Variants in DPP10 observed in about 807,000 individuals in gnomAD.
DPP10 encodes inactive dipeptidyl peptidase 10.
DPP10 carries 33 observed loss-of-function variants against 120.9 expected under a neutral mutation model. The ratio of observed to expected loss-of-function variants is 0.27; its 90% CI spans 0.21 to 0.37. DPP10 has a LOEUF of 0.37. Ranked by LOEUF, DPP10 falls within the 10% of genes least tolerant of loss-of-function variation. DPP10 has a pLI of 1.00. For synonymous variants in DPP10, 337 were observed against 326.1 expected, an observed-to-expected ratio of 1.03 and a Z score of -0.36; for missense variants, 816 against 942.8, an observed-to-expected ratio of 0.87 and a Z score of 1.76.
intron 1 of DPP10, among the ~76,000 whole-genome samples, chr2:114,987,394 A>C (rs1270459138): frequency 6.6e-6 from 1 of 152,104 alleles, no homozygotes; most frequent in Non-Finnish European, 1.5e-5. Context: ...GCTTGAGATA[A>C]ATTTTCCACT....
intron 7 of DPP10, among the ~76,000 whole-genome samples, chr2:115,724,889 G>T (rs1020265376): frequency 1.8e-4 from 28 of 152,244 alleles, no homozygotes; most frequent in African/African-American, 6.5e-4. Context: ...GTAAGACAGA[G>T]TGGGGTGGTG....
At chr2:115,397,120 T>C (rs2067741266) in intron 3 of DPP10, among the ~76,000 whole-genome samples, 1 of 152,250 alleles carries the variant, frequency 6.6e-6, no homozygotes, top group Admixed American at 6.5e-5. Flanking sequence ...TGATCACTTA[T>C]ACTTAGGCCA....
chr2:115,130,496 C>G (rs1191175527), intron 1 of DPP10, among the ~76,000 whole-genome samples: 1 of 125,156 alleles, frequency 8.0e-6, no homozygotes, highest in Non-Finnish European at 1.7e-5. Flanking sequence ...ATCCATCCAT[C>G]CATCTATCCA....
At chr2:115,078,252 C>T (rs1355456860) in intron 1 of DPP10, among the ~76,000 whole-genome samples, 1 of 152,110 alleles carries the variant, frequency 6.6e-6, no homozygotes, top group Admixed American at 6.6e-5. Flanking sequence ...CCAAATGATT[C>T]ATTTCACACT....
chr2:115,384,707 A>AAAGAAGAAGAAGAAGAAGAAG (rs139572526), intron 3 of DPP10, among the ~76,000 whole-genome samples: 140 of 148,550 alleles, frequency 9.4e-4, no homozygotes, highest in African/African-American at 3.0e-3. Flanking sequence ...AAGAAAGAAG[A>AAAGAAGAAGAAGAAGAAGAAG]AAGAAGAAGA....
intron 3 of DPP10, among the ~76,000 whole-genome samples, chr2:115,370,186 G>A (rs1437089521): frequency 1.3e-5 from 2 of 152,090 alleles, no homozygotes; most frequent in African/African-American, 4.8e-5. Flanking sequence ...CCTTGTGGTC[G>A]CTTTTCTTGT....
intron 5 of DPP10, among the ~76,000 whole-genome samples, chr2:115,670,559 G>A (rs1559007203): frequency 1.3e-5 from 2 of 152,060 alleles, no homozygotes; most frequent in Non-Finnish European, 2.9e-5. Flanking sequence ...GCTAAGTTGT[G>A]AAAGAGCAGA....
rs568897307 is a variant in DPP10 at position 114,509,837 on chromosome 2, T to G, written c.60+66999T>G. On this transcript the variant is annotated intron_variant, in intron 1 of 25. Coordinates refer to ENST00000410059, the MANE Select transcript of DPP10 (RefSeq NM_020868.6). ...CAGTATGGTCCTATAAGGACTATAT[T>G]TCATGTAAGTAAAGTTGAGAGAAAT... 8.5e-5 allele frequency among the ~76,000 whole-genome samples: 13 copies of G among 152,352 alleles called. No individual in the cohort carries two copies. The East Asian group carries it at 2.5e-3, about 29-fold the overall frequency.
chr2:115,260,951 G>C (rs1409803256), intron 1 of DPP10, among the ~76,000 whole-genome samples: 1 of 152,208 alleles, frequency 6.6e-6, no homozygotes, highest in African/African-American at 2.4e-5. Flanking sequence ...AGTTAAAACT[G>C]TGTCAAAACC....
intron 1 of DPP10, among the ~76,000 whole-genome samples, chr2:114,521,952 C>A (rs1467466779): frequency 6.8e-6 from 1 of 146,676 alleles, no homozygotes; most frequent in Non-Finnish European, 1.5e-5. Flanking sequence ...GGACTACAGG[C>A]GCCCGCCACC....
At chr2:115,033,213 G>A (rs1703968308) in intron 1 of DPP10, among the ~76,000 whole-genome samples, 1 of 152,152 alleles carries the variant, frequency 6.6e-6, no homozygotes, top group Non-Finnish European at 1.5e-5. Flanking sequence ...CTTGGTTCAT[G>A]CAGTTGAATA....
chr2:115,174,797 A>G (rs2053588297), intron 1 of DPP10, among the ~76,000 whole-genome samples: 1 of 152,204 alleles, frequency 6.6e-6, no homozygotes, highest in African/African-American at 2.4e-5. Flanking sequence ...ATGTTATTAA[A>G]GTTTTCTGTA....
intron 1 of DPP10, among the ~76,000 whole-genome samples, chr2:114,551,679 A>G (rs1018562204): frequency 6.6e-6 from 1 of 152,118 alleles, no homozygotes; most frequent in South Asian, 2.1e-4. Context: ...TCTCTTGTCC[A>G]TTGGGTCCCT....
chr2:115,438,774 A>G (rs1007204121), intron 3 of DPP10, among the ~76,000 whole-genome samples: 6 of 148,964 alleles, frequency 4.0e-5, no homozygotes, highest in Admixed American at 6.7e-5. Flanking sequence ...ATGGTCATGG[A>G]AGCACAATGT....
intron 3 of DPP10, among the ~76,000 whole-genome samples, chr2:115,389,198 A>T (rs986065536): frequency 1.2e-4 from 18 of 152,098 alleles, no homozygotes; most frequent in African/African-American, 4.3e-4. Context: ...TGACAGAACA[A>T]ACAAAGTGCA....
intron 3 of DPP10, among the ~76,000 whole-genome samples, chr2:115,384,260 G>T (rs575315071): frequency 3.3e-5 from 5 of 152,084 alleles, no homozygotes; most frequent in Non-Finnish European, 7.4e-5. Context: ...TGTAATCCCA[G>T]AACTTGGGGA....
intron 5 of DPP10, among the ~76,000 whole-genome samples, chr2:115,538,092 C>A (rs1449769164): frequency 6.6e-6 from 1 of 151,962 alleles, no homozygotes; most frequent in Non-Finnish European, 1.5e-5. Context: ...GTCACACAGG[C>A]ACAGCTGTGA....
rs1252236508 is a variant in DPP10, at chr2:115,836,250, T to C, written c.2044T>C (p.Leu682=). The change falls in exon 22 of 26, where the codon TTG becomes CTG. Residue 682 remains leucine (L), a synonymous_variant. Coordinates refer to ENST00000410059, the MANE Select transcript of DPP10 (RefSeq NM_020868.6). ...SVVAPITDLK[L]YASAFSERYL... ...GGTTGCACCTATCACAGACTTGAAA[T>C]TGTATGGTGAGTACTTTCTACAGAC... The C allele has an allele frequency of 6.9e-6, 11 of 1,604,680 alleles. No homozygotes were observed. The highest frequency in any genetic ancestry group is 2.3e-5 in the South Asian group (2 of 88,802).
intron 1 of DPP10, among the ~76,000 whole-genome samples, chr2:115,030,071 A>T (rs1573366284): frequency 6.6e-6 from 1 of 152,178 alleles, no homozygotes; most frequent in Non-Finnish European, 1.5e-5. Context: ...GAATTTCTTC[A>T]ACTCAGAGAT....
Sources: gnomAD v4.1 joint callset for allele counts (sites outside exome capture counted in the v4.1 genomes callset) on GRCh38, gnomAD v4.1.1 for gene constraint, MANE v1.5 for transcripts, NCBI Gene and HGNC (gene_info 2026-07-23, HGNC 2026-07-21) for gene names.